The following IPCEF1 variants were observed in gnomAD, a reference collection of about 807,000 sequenced individuals.
IPCEF1 encodes the protein interactor protein for cytohesin exchange factors 1.
IPCEF1 carries 31 observed loss-of-function variants against 50.9 expected under a neutral mutation model. That is an observed-to-expected ratio of 0.61 (90% CI 0.46 to 0.82). The LOEUF (loss-of-function observed/expected upper bound fraction) is 0.82, where lower values mean the gene tolerates loss of function less well. IPCEF1 is among the 40% of genes least tolerant of loss of function. The pLI, the probability that IPCEF1 is intolerant of heterozygous loss-of-function variation, is 0.00. For synonymous variants in IPCEF1, 181 were observed against 192.0 expected (o/e 0.94, Z 0.47); for missense variants, 458 against 514.0 (o/e 0.89, Z 1.05).
At chr6:154,269,545 A>C (rs938015558) in intron 2 of IPCEF1, among the ~76,000 whole-genome samples, 1 of 151,992 alleles carries the variant, frequency 6.6e-6, no homozygotes, top group African/African-American at 2.4e-5. Flanking sequence ...TTTGTAGCCC[A>C]GGCTGGTCTC....
In IPCEF1 at chr6:154,238,135, C is replaced by T. The variant is rs570966534; in HGVS notation, c.246+8456G>A. On this transcript the variant is annotated intron_variant, in intron 5 of 11. Coordinates refer to ENST00000367220, the MANE Select transcript of IPCEF1 (RefSeq NM_001130700.2). ...TGTTTCTATGTATTACTTAGTGAGA[C>T]AATCAAGTGACAACAGCATCATGTA... Among the ~76,000 whole-genome samples, 4 of 152,248 alleles carry T rather than the reference C, an allele frequency of 2.6e-5. No individual in the cohort carries two copies. The East Asian group carries it at 7.7e-4, about 29-fold the overall frequency.
intron 9 of IPCEF1, among the ~76,000 whole-genome samples, chr6:154,200,792 G>A (rs1156757634): frequency 6.6e-6 from 1 of 152,042 alleles, no homozygotes. Flanking sequence ...CTTGAATATC[G>A]CTCACATACT....
chr6:154,349,298 C>A (rs1784084363), intron 1 of IPCEF1, among the ~76,000 whole-genome samples: 1 of 151,746 alleles, frequency 6.6e-6, no homozygotes, highest in African/African-American at 2.4e-5. Context: ...CTCAAGTGAT[C>A]CTCCTGCCTC....
In IPCEF1 at chr6:154,155,458, T is replaced by C. The variant is rs1458566338; in HGVS notation, c.*4370A>G. The C allele has an allele frequency of 6.6e-6, 1 of 152,226 alleles. No homozygotes were observed. Among genetic ancestry groups the C allele is most frequent in the African/African-American group, 2.4e-5 (1 of 41,458 alleles). The allele number at this position is 152,226 out of a possible 1,614,324, so 9.4% of individuals were successfully genotyped here. A position where few individuals can be genotyped will look rare whatever the true frequency, so the allele number is the denominator to read the frequency against. ...AACTATGTGGATATGGCAGCTTTTC[T>C]GTACTTAACATTACTCATTAAATCA... On this transcript the variant is annotated 3_prime_UTR_variant, in exon 12 of 12. Transcript: ENST00000367220.
chr6:154,297,066 T>A (rs1782683268), intron 1 of IPCEF1, among the ~76,000 whole-genome samples: 1 of 151,860 alleles, frequency 6.6e-6, no homozygotes, highest in Admixed American at 6.6e-5. Context: ...CTCTTTTTTT[T>A]AAATAGGGTC....
intron 1 of IPCEF1, among the ~76,000 whole-genome samples, chr6:154,343,797 C>T (rs1783968390): frequency 6.6e-6 from 1 of 152,158 alleles, no homozygotes; most frequent in African/African-American, 2.4e-5. Flanking sequence ...ACAGGAAAGC[C>T]CGGCTCTTAG....
At chr6:154,323,798 C>CAAA (rs1783452132) in intron 1 of IPCEF1, among the ~76,000 whole-genome samples, 1 of 152,126 alleles carries the variant, frequency 6.6e-6, no homozygotes, top group African/African-American at 2.4e-5. Flanking sequence ...ACTAAAAATA[C>CAAA]AAAAATTAGC....
chr6:154,264,783 G>A (rs924841880), intron 3 of IPCEF1, among the ~76,000 whole-genome samples: 4 of 152,034 alleles, frequency 2.6e-5, no homozygotes, highest in African/African-American at 7.3e-5. Context: ...TTCAATTTCT[G>A]GGATACGACA....
At chr6:154,161,214 CA>C (rs1373625510) in intron 11 of IPCEF1, among the ~76,000 whole-genome samples, 23 of 146,580 alleles carry the variant, frequency 1.6e-4, no homozygotes, top group African/African-American at 5.5e-4. Context: ...CTTTTCTTTT[CA>C]TTTTTTTTTT....
intron 10 of IPCEF1, among the ~76,000 whole-genome samples, chr6:154,196,299 C>T (rs1046737001): frequency 6.6e-6 from 1 of 152,226 alleles, no homozygotes; most frequent in Non-Finnish European, 1.5e-5. Context: ...ACTGTTCACA[C>T]TCAGATTGTG....
At chr6:154,301,063 A>C (rs1327975010) in intron 1 of IPCEF1, among the ~76,000 whole-genome samples, 2 of 152,246 alleles carry the variant, frequency 1.3e-5, no homozygotes, top group African/African-American at 2.4e-5. Context: ...TTATCTTGGC[A>C]CATACACCCA....
At chr6:154,247,521 T>A (rs369100668) in intron 3 of IPCEF1, 33 bp from the exon 4 acceptor site, 150 of 1,595,922 alleles carry the variant, frequency 9.4e-5, no homozygotes, top group Non-Finnish European at 1.2e-4. Context: ...AAAGAGGAAA[T>A]TTCTGATTGT....
chr6:154,244,632 T>C (rs746870934), intron 5 of IPCEF1, among the ~76,000 whole-genome samples: 73 of 152,306 alleles, frequency 4.8e-4, no homozygotes, highest in Non-Finnish European at 6.5e-4. Context: ...ATGAAGTTCC[T>C]AATGCCTAAA....
At chr6:154,344,681 T>C (rs1261771407) in intron 1 of IPCEF1, among the ~76,000 whole-genome samples, 2 of 152,184 alleles carry the variant, frequency 1.3e-5, no homozygotes, top group Non-Finnish European at 2.9e-5. Context: ...GCTCTGAGCC[T>C]GCATTTTCCT....
intron 3 of IPCEF1, among the ~76,000 whole-genome samples, chr6:154,263,990 C>T (rs1781682368): frequency 1.0e-5 from 1 of 97,992 alleles, no homozygotes; most frequent in Admixed American, 8.8e-5. Context: ...GGGCGGCTGG[C>T]CGGGCGGGGG....
chr6:154,255,213 C>T (rs1583911071), intron 3 of IPCEF1, among the ~76,000 whole-genome samples: 1 of 152,172 alleles, frequency 6.6e-6, no homozygotes, highest in East Asian at 1.9e-4. Context: ...AGGAGGGTGC[C>T]TCTTTGAATA....
chr6:154,282,515 T>G (rs760352391), intron 2 of IPCEF1, among the ~76,000 whole-genome samples: 13 of 151,970 alleles, frequency 8.6e-5, no homozygotes, highest in Non-Finnish European at 1.6e-4. Flanking sequence ...ACCCTATCTC[T>G]ACTAAAAACA....
chr6:154,215,859 C>T (rs1361087825), intron 7 of IPCEF1, among the ~76,000 whole-genome samples: 1 of 151,966 alleles, frequency 6.6e-6, no homozygotes, highest in Non-Finnish European at 1.5e-5. Context: ...AATAGCTAGA[C>T]AATATGCGAA....
chr6:154,274,712 T>C (rs1343076177), intron 2 of IPCEF1, among the ~76,000 whole-genome samples: 1 of 152,092 alleles, frequency 6.6e-6, no homozygotes, highest in African/African-American at 2.4e-5. Flanking sequence ...CAGGGGCCAT[T>C]AGACTGGGGC....
Sources: gnomAD v4.1 joint callset for allele counts (sites outside exome capture counted in the v4.1 genomes callset) on GRCh38, gnomAD v4.1.1 for gene constraint, MANE v1.5 for transcripts, NCBI Gene and HGNC (gene_info 2026-07-23, HGNC 2026-07-21) for gene names.